Variants in RASGRP3 observed in about 807,000 individuals in gnomAD.
RASGRP3 encodes the protein RAS guanyl releasing protein 3.
Under a neutral mutation model 82.7 loss-of-function variants are expected in RASGRP3, and 54 were observed. The ratio of observed to expected loss-of-function variants is 0.65; its 90% CI spans 0.52 to 0.82. The LOEUF (loss-of-function observed/expected upper bound fraction) is 0.82, where lower values mean the gene tolerates loss of function less well. RASGRP3 is among the 40% of genes least tolerant of loss of function. The pLI is 0.00. For synonymous variants in RASGRP3, 309 were observed against 300.5 expected (o/e 1.03, Z -0.29); for missense variants, 861 against 828.9 (o/e 1.04, Z -0.48).
At chr2:33,555,704 TTGCCTC>T in intron 15 of RASGRP3, 137 bp downstream of exon 15, 2 of 751,764 alleles carry the variant, frequency 2.7e-6, no homozygotes, top group Non-Finnish European at 4.4e-6. Flanking sequence ...CTGAGAATGA[TTGCCTC>T]TGAGGAGGAG....
intron 17 of RASGRP3, among the ~76,000 whole-genome samples, chr2:33,560,078 C>T (rs981544303): frequency 8.5e-5 from 13 of 152,160 alleles, no homozygotes; most frequent in African/African-American, 2.4e-4. Flanking sequence ...ATTCATATGC[C>T]ATGAAACTGA....
At chr2:33,463,741 A>C (rs1444436018) in intron 2 of RASGRP3, among the ~76,000 whole-genome samples, 1 of 151,906 alleles carries the variant, frequency 6.6e-6, no homozygotes, top group East Asian at 1.9e-4. Context: ...CTGGGATTAC[A>C]GGTGCCTGCC....
At chr2:33,548,767 T>C (rs1303701756) in intron 13 of RASGRP3, among the ~76,000 whole-genome samples, 2 of 152,076 alleles carry the variant, frequency 1.3e-5, no homozygotes, top group African/African-American at 4.8e-5. Context: ...AGTGCAGTGG[T>C]GTGATCTCGG....
At chr2:33,480,530 C>T (rs769268233) in intron 1 of RASGRP3, among the ~76,000 whole-genome samples, 6 of 152,060 alleles carry the variant, frequency 3.9e-5, no homozygotes, top group African/African-American at 7.2e-5. Flanking sequence ...TATGGGTACA[C>T]GTGAAGTGGA....
chr2:33,443,527 G>A (rs992884269), intron 1 of RASGRP3, among the ~76,000 whole-genome samples: 6 of 151,924 alleles, frequency 3.9e-5, no homozygotes, highest in East Asian at 3.9e-4. Context: ...AGTAAAATTC[G>A]GCAGCAGCTC....
intron 2 of RASGRP3, among the ~76,000 whole-genome samples, chr2:33,451,852 G>A (rs1348435481): frequency 6.6e-6 from 1 of 151,954 alleles, no homozygotes; most frequent in African/African-American, 2.4e-5. Flanking sequence ...ATCCCCTAAT[G>A]TATATATTGG....
At position 33,524,390 on chromosome 2, in the gene RASGRP3, A is replaced by G. The variant is rs76697275; in HGVS notation, c.691-42A>G. On this transcript the variant is annotated intron_variant, in intron 8 of 17. Coordinates refer to ENST00000403687, the MANE Select transcript of RASGRP3 (RefSeq NM_001139488.2). ...CTTGTAATTCAGAAAGTTTAGAATAATTTGAAAATCCTTAAAAAGCATTGA... is the reference window on the plus strand; with the variant it reads ...CTTGTAATTCAGAAAGTTTAGAATAGTTTGAAAATCCTTAAAAAGCATTGA... 2.4e-3 allele frequency: 3,088 copies of G among 1,302,730 alleles called. 69 individuals carry two copies. In the African/African-American group the frequency reaches 0.042, roughly 18 times the overall value. The allele number at this position is 1,302,730 out of a possible 1,614,324, so 80.7% of individuals were successfully genotyped here.
chr2:33,505,353 A>G (rs1400160107), intron 1 of RASGRP3, among the ~76,000 whole-genome samples: 1 of 147,320 alleles, frequency 6.8e-6, no homozygotes, highest in African/African-American at 2.5e-5. Context: ...CCCAGGCTGG[A>G]GTGCAATGGC....
At chr2:33,466,285 A>G (rs1192173329) in intron 2 of RASGRP3, among the ~76,000 whole-genome samples, 1 of 152,268 alleles carries the variant, frequency 6.6e-6, no homozygotes, top group Admixed American at 6.5e-5. Flanking sequence ...GCCATTAGGA[A>G]CATTCGTGAT....
At chr2:33,490,120 A>G (rs1668723927) in intron 1 of RASGRP3, among the ~76,000 whole-genome samples, 1 of 152,066 alleles carries the variant, frequency 6.6e-6, no homozygotes, top group South Asian at 2.1e-4. Context: ...CTTCTTTCAT[A>G]TTATAACTGG....
At chr2:33,483,906 GCTAGAGAC>G (rs1668149998) in intron 1 of RASGRP3, among the ~76,000 whole-genome samples, 1 of 152,052 alleles carries the variant, frequency 6.6e-6, no homozygotes, top group South Asian at 2.1e-4. Context: ...TTTGTACTAT[GCTAGAGAC>G]CTTAATAGTT....
rs56664748 is a variant in RASGRP3 at position 33,529,487 on chromosome 2, C to CAAAAAAAAAA, written c.1083+2079_1083+2088dup. ...TGGGCGACAGAGCGAGACTCCATCT[C>CAAAAAAAAAA]AAAAAAAAAAAAATTCAGGAGTACA... On this transcript the variant is annotated intron_variant, in intron 10 of 17. Coordinates refer to ENST00000403687, the MANE Select transcript of RASGRP3 (RefSeq NM_001139488.2). Among the ~76,000 whole-genome samples the CAAAAAAAAAA allele has an allele frequency of 6.0e-4, 34 of 57,038 alleles. 5 individuals carry two copies. The highest frequency in any genetic ancestry group is 2.7e-3 in the African/African-American group (29 of 10,812). 37.4% of individuals were successfully genotyped at this position (57,038 alleles called of 152,430 possible). A position where few individuals can be genotyped will look rare whatever the true frequency, so the allele number is the denominator to read the frequency against.
Position 33,444,915 on chromosome 2 carries a change from A to G in RASGRP3, c.-384-2905A>G, listed in dbSNP as rs562724370. On this transcript the variant is annotated intron_variant, in intron 1 of 18. Coordinates refer to the RASGRP3 transcript ENST00000402538. Reference sequence around the variant, plus strand: ...AATAGATTCAATTACACAGCCTAAAATCGAGTTCCAAAAACCATTATAGAC... The same window carrying G: ...AATAGATTCAATTACACAGCCTAAAGTCGAGTTCCAAAAACCATTATAGAC... 3.3e-5 allele frequency among the ~76,000 whole-genome samples: 5 copies of G among 152,360 alleles called. No individual in the cohort carries two copies. In the East Asian group the frequency reaches 9.6e-4, roughly 29 times the overall value.
intron 1 of RASGRP3, among the ~76,000 whole-genome samples, chr2:33,507,035 A>G (rs1480321887): frequency 6.6e-6 from 1 of 152,238 alleles, no homozygotes; most frequent in African/African-American, 2.4e-5. Flanking sequence ...AGTGAACTTA[A>G]AAGGAATGAG....
At chr2:33,496,181 A>G (rs1198182858) in intron 1 of RASGRP3, among the ~76,000 whole-genome samples, 1 of 152,236 alleles carries the variant, frequency 6.6e-6, no homozygotes, top group African/African-American at 2.4e-5. Context: ...ATTTGGAGAA[A>G]GGACAAAGAT....
At chr2:33,481,241 A>C (rs1425462459) in intron 1 of RASGRP3, 1 of 152,266 alleles carries the variant, frequency 6.6e-6, no homozygotes, top group Non-Finnish European at 1.5e-5. Flanking sequence ...GGCTCACTGC[A>C]AGCTCCGCCT....
chr2:33,511,130 A>C (rs1355513033), intron 1 of RASGRP3, among the ~76,000 whole-genome samples: 1 of 152,212 alleles, frequency 6.6e-6, no homozygotes, highest in East Asian at 1.9e-4. Context: ...AATTTGGCTT[A>C]TTGTGTCCCT....
At chr2:33,562,659 G>T (rs1345276161) in intron 17 of RASGRP3, 70 bp from the exon 18 acceptor site, 1 of 1,551,458 alleles carries the variant, frequency 6.4e-7, no homozygotes, top group Non-Finnish European at 8.9e-7. Context: ...CTGAAAAACT[G>T]CTTTCTAGGA....
chr2:33,496,725 C>T (rs545744059), intron 1 of RASGRP3, among the ~76,000 whole-genome samples: 47 of 152,174 alleles, frequency 3.1e-4, no homozygotes, highest in African/African-American at 9.6e-4. Flanking sequence ...GGTGTGGCGG[C>T]GCATGCCTGT....
Sources: gnomAD v4.1 joint callset for allele counts (sites outside exome capture counted in the v4.1 genomes callset) on GRCh38, gnomAD v4.1.1 for gene constraint, MANE v1.5 for transcripts, NCBI Gene and HGNC (gene_info 2026-07-23, HGNC 2026-07-21) for gene names.